ADAMTS19: variants seen among roughly 807,000 people sequenced by gnomAD.
ADAMTS19 encodes ADAM metallopeptidase with thrombospondin type 1 motif 19, also known as A disintegrin and metalloproteinase with thrombospondin motifs 19.
Under a neutral mutation model 153.3 loss-of-function variants are expected in ADAMTS19, and 93 were observed. The observed-to-expected ratio is 0.61, with a 90% CI of 0.51 to 0.72. ADAMTS19 has a LOEUF of 0.72. ADAMTS19 is among the 30% of genes least tolerant of loss of function. The pLI is 0.00. For synonymous variants in ADAMTS19, 600 were observed against 556.6 expected (o/e 1.08, Z -1.10); for missense variants, 1,482 against 1,552.1 (o/e 0.95, Z 0.76).
chr5:129,525,733 T>TGAAGCC (rs990047072), intron 3 of ADAMTS19, among the ~76,000 whole-genome samples: 2 of 151,956 alleles, frequency 1.3e-5, no homozygotes, highest in African/African-American at 4.8e-5. Flanking sequence ...ATTTGAGGAA[T>TGAAGCC]CTATATTCCC....
rs1753698481 is a variant in ADAMTS19 at position 129,658,700 on chromosome 5, G to C, written c.2388G>C (p.Lys796Asn). 6.2e-7 allele frequency: 1 copy of C among 1,612,896 alleles called. No homozygotes were observed. Residue 796 changes from lysine to asparagine, a missense_variant, in exon 15 of 23, where the codon AAG (lysine) becomes AAC (asparagine). Lys to Asn is a moderately conservative substitution (Grantham distance 94). This residue lies in a region of ADAMTS19 where 616 missense variants were observed against 724.4 expected (regional missense o/e 0.85). Coordinates refer to ENST00000274487, the MANE Select transcript of ADAMTS19 (RefSeq NM_133638.6). ...GVCNGNGKSC[K>N]IIKGDFNHTR... is the part of the protein sequence containing the mutation. ...GCAATGGCAATGGAAAATCATGCAA[G>C]ATCATTAAAGGGGATTTTAATCACA...
intron 7 of ADAMTS19, among the ~76,000 whole-genome samples, chr5:129,586,532 A>G (rs1005971529): frequency 2.0e-5 from 3 of 152,166 alleles, no homozygotes; most frequent in Non-Finnish European, 2.9e-5. Flanking sequence ...ACTGAATAAT[A>G]TTGTTGGATA....
At chr5:129,506,860 A>G (rs1751282999) in intron 2 of ADAMTS19, among the ~76,000 whole-genome samples, 1 of 151,852 alleles carries the variant, frequency 6.6e-6, no homozygotes, top group South Asian at 2.1e-4. Context: ...TGTTCCTTCT[A>G]ACTTATTAGT....
chr5:129,689,849 G>C (rs1205134199), intron 18 of ADAMTS19, among the ~76,000 whole-genome samples: 2 of 152,002 alleles, frequency 1.3e-5, no homozygotes, highest in African/African-American at 4.8e-5. Flanking sequence ...AATAAAATTT[G>C]ATATTATTTC....
At position 129,681,967 on chromosome 5, in the gene ADAMTS19, C is replaced by A. The variant is rs1754836208; in HGVS notation, c.2664+2046C>A. 2.0e-5 allele frequency among the ~76,000 whole-genome samples: 3 copies of A among 152,060 alleles called. No individual in the cohort carries two copies. In the South Asian group the frequency reaches 6.2e-4, roughly 32 times the overall value. ...TTAATGATTGTATTGCATAAAATGC[C>A]ATTGTGTTCCCTGCCTTTAATAAAT... On this transcript the variant is annotated intron_variant, in intron 17 of 22. Coordinates refer to ENST00000274487, the MANE Select transcript of ADAMTS19 (RefSeq NM_133638.6).
intron 16 of ADAMTS19, among the ~76,000 whole-genome samples, chr5:129,667,188 A>G (rs2127086614): frequency 6.6e-6 from 1 of 152,238 alleles, no homozygotes; most frequent in South Asian, 2.1e-4. Context: ...CACTTATAGG[A>G]CCACTGGATG....
intron 21 of ADAMTS19, among the ~76,000 whole-genome samples, chr5:129,714,370 G>A (rs529971078): frequency 7.1e-6 from 1 of 140,612 alleles, no homozygotes; most frequent in Non-Finnish European, 1.5e-5. Flanking sequence ...AGTGAGCCGA[G>A]ATTGCGCCAC....
chr5:129,492,136 T>C (rs1199129070), intron 2 of ADAMTS19, among the ~76,000 whole-genome samples: 3 of 152,112 alleles, frequency 2.0e-5, no homozygotes, highest in Admixed American at 6.6e-5. Context: ...TGGCAGAAGG[T>C]GAAGGGCAGC....
intron 19 of ADAMTS19, among the ~76,000 whole-genome samples, chr5:129,698,319 C>A (rs992331607): frequency 1.3e-5 from 2 of 152,200 alleles, no homozygotes; most frequent in African/African-American, 4.8e-5. Context: ...CCAAGACTTA[C>A]TGGAAGAGTA....
chr5:129,610,094 TA>T (rs1342230421), intron 8 of ADAMTS19, among the ~76,000 whole-genome samples: 389 of 3,824 alleles, frequency 0.1, 1 homozygote, highest in African/African-American at 0.28. Flanking sequence ...GTAGTGGTAT[TA>T]TATATATATA....
intron 6 of ADAMTS19, among the ~76,000 whole-genome samples, chr5:129,550,591 TATGTA>T (rs1753055299): frequency 1.5e-5 from 2 of 133,330 alleles, no homozygotes; most frequent in Non-Finnish European, 3.6e-5. Flanking sequence ...TAGATATATG[TATGTA>T]TTAACTCACA....
At chr5:129,625,087 G>T (rs1029399711) in intron 10 of ADAMTS19, among the ~76,000 whole-genome samples, 1 of 151,436 alleles carries the variant, frequency 6.6e-6, no homozygotes, top group Non-Finnish European at 1.5e-5. Context: ...AACATGGGTT[G>T]TTTGGTTTTC....
intron 15 of ADAMTS19, among the ~76,000 whole-genome samples, chr5:129,659,154 C>T (rs1029191912): frequency 1.3e-5 from 2 of 151,974 alleles, no homozygotes; most frequent in African/African-American, 4.8e-5. Context: ...AATGTTTTTG[C>T]TACATTATCA....
chr5:129,681,976 C>G (rs2428614), intron 17 of ADAMTS19, among the ~76,000 whole-genome samples: 133,314 of 152,188 alleles, frequency 0.88, 58,795 homozygotes, highest in East Asian at 1. Context: ...CCATTGTGTT[C>G]CCTGCCTTTA....
intron 8 of ADAMTS19, among the ~76,000 whole-genome samples, chr5:129,617,524 A>T (rs1405569683): frequency 6.6e-6 from 1 of 152,058 alleles, no homozygotes; most frequent in Non-Finnish European, 1.5e-5. Context: ...ACCCTTCAAA[A>T]ATAATAGCAT....
At chr5:129,569,047 A>G (rs945015885) in intron 7 of ADAMTS19, among the ~76,000 whole-genome samples, 5 of 152,078 alleles carry the variant, frequency 3.3e-5, no homozygotes, top group Admixed American at 1.3e-4. Flanking sequence ...AACAATTCAA[A>G]GACCCCATCT....
rs1434442672 is a variant in ADAMTS19, at chr5:129,545,871, C to T, written c.1329-5993C>T. ...GAACTAGAAATACCATCTGACCCAG[C>T]CATCCCATTACTGGGTATATACCCA... On this transcript the variant is annotated intron_variant, in intron 6 of 22. Transcript: ENST00000274487. Among the ~76,000 whole-genome samples, 3 of 150,254 alleles carry T rather than the reference C, an allele frequency of 2.0e-5. 1 individual carries two copies. Among genetic ancestry groups the T allele is most frequent in the African/African-American group, 7.5e-5 (3 of 39,788 alleles).
At chr5:129,641,259 T>A (rs1270206251) in intron 10 of ADAMTS19, among the ~76,000 whole-genome samples, 2 of 152,176 alleles carry the variant, frequency 1.3e-5, no homozygotes, top group African/African-American at 4.8e-5. Flanking sequence ...TATTTTTTAT[T>A]CCCTTTAACA....
chr5:129,633,318 A>T (rs1752390334), intron 10 of ADAMTS19, among the ~76,000 whole-genome samples: 1 of 152,148 alleles, frequency 6.6e-6, no homozygotes, highest in African/African-American at 2.4e-5. Context: ...TCAGTTTCAA[A>T]TTTTATGAAA....
Sources: allele counts gnomAD v4.1 joint callset (sites outside exome capture counted in the v4.1 genomes callset), GRCh38; gene constraint gnomAD v4.1.1; regional missense constraint gnomAD v4.1.1; transcripts MANE v1.5; gene names NCBI Gene and HGNC (gene_info 2026-07-23, HGNC 2026-07-21).